Variants in THSD7B observed in about 807,000 individuals in gnomAD.
The protein encoded by THSD7B is thrombospondin type 1 domain containing 7B, also known as thrombospondin type-1 domain-containing protein 7B.
A neutral mutation model predicts 213.6 loss-of-function variants in THSD7B; 138 were observed. That is an observed-to-expected ratio of 0.65 (90% CI 0.56 to 0.74). The LOEUF (loss-of-function observed/expected upper bound fraction) is 0.74, where lower values mean the gene tolerates loss of function less well. Among genes scored for constraint, THSD7B ranks in the 30% least tolerant of loss-of-function variants. The pLI is 0.00. For missense variants in THSD7B, 1,931 were observed against 1,991.5 expected, an observed-to-expected ratio of 0.97 and a Z score of 0.58; for synonymous variants, 742 against 687.0, an observed-to-expected ratio of 1.08 and a Z score of -1.25.
chr2:137,322,206 A>T (rs1684277204), intron 12 of THSD7B, among the ~76,000 whole-genome samples: 1 of 152,196 alleles, frequency 6.6e-6, no homozygotes, highest in African/African-American at 2.4e-5. Flanking sequence ...CTCTAATCTC[A>T]AATTGGAATG....
chr2:137,010,239 T>A (rs1326280170), intron 2 of THSD7B, among the ~76,000 whole-genome samples: 2 of 152,222 alleles, frequency 1.3e-5, no homozygotes, highest in Non-Finnish European at 2.9e-5. Context: ...AGAAACTAGA[T>A]ATTGGCACAG....
At chr2:137,630,770 C>T (rs931163085) in intron 20 of THSD7B, among the ~76,000 whole-genome samples, 6 of 152,212 alleles carry the variant, frequency 3.9e-5, no homozygotes, top group African/African-American at 1.2e-4. Flanking sequence ...TCTTTTCGAA[C>T]GGGTTGTAGC....
intron 1 of THSD7B, among the ~76,000 whole-genome samples, chr2:136,782,208 C>G (rs1363868454): frequency 1.3e-5 from 2 of 152,056 alleles, no homozygotes; most frequent in Non-Finnish European, 2.9e-5. Flanking sequence ...AAGGGTTTAC[C>G]TGCGATGTGT....
chr2:137,276,071 A>T, intron 12 of THSD7B, 45 bp downstream of exon 12: 1 of 1,349,476 alleles, frequency 7.4e-7, no homozygotes, highest in Non-Finnish European at 1.0e-6. Context: ...TACGTAAGTT[A>T]ACATTATGTA....
At chr2:137,081,921 G>A (rs1687754206) in intron 3 of THSD7B, among the ~76,000 whole-genome samples, 1 of 152,012 alleles carries the variant, frequency 6.6e-6, no homozygotes, top group Non-Finnish European at 1.5e-5. Flanking sequence ...ATCTTGTTCT[G>A]TCTTTGTTTC....
intron 5 of THSD7B, among the ~76,000 whole-genome samples, chr2:137,144,284 A>T (rs951444100): frequency 2.0e-5 from 3 of 152,102 alleles, no homozygotes; most frequent in Admixed American, 2.0e-4. Flanking sequence ...TTTGAATTTT[A>T]AGGCCATTTC....
intron 1 of THSD7B, among the ~76,000 whole-genome samples, chr2:136,870,238 A>C (rs1683410365): frequency 6.6e-6 from 1 of 152,146 alleles, no homozygotes; most frequent in Non-Finnish European, 1.5e-5. Context: ...AAATAGCCTA[A>C]TTTTTCAGTA....
chr2:137,063,374 AT>A (rs1425871403), intron 3 of THSD7B, among the ~76,000 whole-genome samples: 1 of 151,544 alleles, frequency 6.6e-6, no homozygotes, highest in East Asian at 1.9e-4. Context: ...TTAATTTATT[AT>A]TTTTTATTTA....
intron 12 of THSD7B, among the ~76,000 whole-genome samples, chr2:137,344,560 G>A (rs538106553): frequency 4.6e-5 from 7 of 151,730 alleles, no homozygotes; most frequent in African/African-American, 1.2e-4. Flanking sequence ...AAATAGCCCC[G>A]ATCGATTTTC....
At chr2:137,117,803 A>C (rs1017605841) in intron 5 of THSD7B, among the ~76,000 whole-genome samples, 1 of 152,178 alleles carries the variant, frequency 6.6e-6, no homozygotes, top group Non-Finnish European at 1.5e-5. Flanking sequence ...TAGATGCCAT[A>C]ATAATAATAA....
chr2:137,500,586 T>C (rs923173170), intron 15 of THSD7B, among the ~76,000 whole-genome samples: 1 of 152,232 alleles, frequency 6.6e-6, no homozygotes, highest in Non-Finnish European at 1.5e-5. Context: ...AGTGCAACCC[T>C]GACAGTCATT....
At chr2:136,899,367 ATATT>A (rs1280161561) in intron 2 of THSD7B, among the ~76,000 whole-genome samples, 11 of 152,140 alleles carry the variant, frequency 7.2e-5, no homozygotes, top group Non-Finnish European at 1.5e-4. Flanking sequence ...TGCATGATAA[ATATT>A]TATTGCATTC....
intron 14 of THSD7B, among the ~76,000 whole-genome samples, chr2:137,437,926 G>A (rs1687326676): frequency 6.6e-6 from 1 of 152,048 alleles, no homozygotes; most frequent in African/African-American, 2.4e-5. Flanking sequence ...TTGGCCTTGA[G>A]GAGAAAACAT....
chr2:137,370,334 C>T (rs764247640), intron 12 of THSD7B, among the ~76,000 whole-genome samples: 1 of 152,114 alleles, frequency 6.6e-6, no homozygotes, highest in Non-Finnish European at 1.5e-5. Context: ...CATTTGTTCT[C>T]CCCAGCATCA....
chr2:137,008,384 G>A (rs942700979), intron 2 of THSD7B, among the ~76,000 whole-genome samples: 4 of 152,030 alleles, frequency 2.6e-5, no homozygotes, highest in African/African-American at 7.3e-5. Context: ...TAACTAAAGG[G>A]GAACTATAAA....
intron 1 of THSD7B, among the ~76,000 whole-genome samples, chr2:136,856,984 T>G (rs1249146418): frequency 6.6e-6 from 1 of 152,244 alleles, no homozygotes; most frequent in Non-Finnish European, 1.5e-5. Flanking sequence ...TTATTTTTAT[T>G]CCTTTAGAAT....
intron 2 of THSD7B, among the ~76,000 whole-genome samples, chr2:137,009,052 C>G (rs1686174664): frequency 6.6e-6 from 1 of 152,172 alleles, no homozygotes; most frequent in Non-Finnish European, 1.5e-5. Context: ...AGTAAATTCA[C>G]TAACTCTTTG....
rs1233870515 is a variant in THSD7B, at chr2:137,057,020, C to G, written c.740C>G (p.Pro247Arg). 1 of 1,613,882 alleles carries G rather than the reference C, an allele frequency of 6.2e-7. No individual in the cohort carries two copies. The highest frequency in any genetic ancestry group is 1.3e-5 in the African/African-American group (1 of 74,988). Residue 247 changes from proline (P) to arginine (R), a missense_variant, in exon 3 of 28, where the codon CCA becomes CGA. Physicochemically the swap from Pro to Arg is moderately radical, Grantham distance 103. Coordinates refer to ENST00000409968, the MANE Select transcript of THSD7B (RefSeq NM_001316349.2). ...TATACATTTAGCCTTAAGGTTGGAC[C>G]ATGGAGTAAATGCAGACTGCCTCAT... ...EEYTFSLKVG[P>R]WSKCRLPHLK...
chr2:137,122,608 T>G (rs1283814820), intron 5 of THSD7B, among the ~76,000 whole-genome samples: 2 of 152,282 alleles, frequency 1.3e-5, no homozygotes, highest in African/African-American at 2.4e-5. Flanking sequence ...GGCTATGATC[T>G]TAGGCCTCAT....
Sources: gnomAD v4.1 joint callset for allele counts (sites outside exome capture counted in the v4.1 genomes callset) on GRCh38, gnomAD v4.1.1 for gene constraint, MANE v1.5 for transcripts, NCBI Gene and HGNC (gene_info 2026-07-23, HGNC 2026-07-21) for gene names.